Variants in TSPAN13 observed in about 807,000 individuals in gnomAD.
TSPAN13 encodes tetraspanin 13.
TSPAN13 carries 18 observed loss-of-function variants against 26.9 expected under a neutral mutation model. The ratio of observed to expected loss-of-function variants is 0.67; its 90% CI spans 0.46 to 0.99. The LOEUF (loss-of-function observed/expected upper bound fraction) is 0.99, where lower values mean the gene tolerates loss of function less well. Among genes scored for constraint, TSPAN13 ranks in the 50% least tolerant of loss-of-function variants. The pLI is 0.00. For synonymous variants in TSPAN13, 116 were observed against 98.4 expected (o/e 1.18, Z -1.06); for missense variants, 201 against 249.6 (o/e 0.81, Z 1.31).
At chr7:16,776,148 C>T in intron 1 of TSPAN13, 63 bp from the exon 2 acceptor site, 2 of 1,524,724 alleles carry the variant, frequency 1.3e-6, no homozygotes, top group Non-Finnish European at 9.0e-7. Flanking sequence ...AATTAACTGG[C>T]ATTTTCCCCA....
chr7:16,783,661 T>A lies in TSPAN13; in HGVS notation c.*170T>A. On this transcript the variant is annotated 3_prime_UTR_variant, in exon 6 of 6. Transcript: ENST00000262067. Reference sequence around the variant, plus strand: ...ATGTTTCTCTACATGTTTTTTTCTTTCCGTTGCTGAAAAATATTTGAAACT... The same window carrying A: ...ATGTTTCTCTACATGTTTTTTTCTTACCGTTGCTGAAAAATATTTGAAACT... 1.5e-6 allele frequency: 1 copy of A among 656,078 alleles called. No homozygotes were observed. The highest frequency in any genetic ancestry group is 2.5e-6 in the Non-Finnish European group (1 of 392,724). 40.6% of individuals were successfully genotyped at this position (656,078 alleles called of 1,614,324 possible).
At chr7:16,767,461 G>T (rs1784619237) in intron 1 of TSPAN13, among the ~76,000 whole-genome samples, 1 of 152,126 alleles carries the variant, frequency 6.6e-6, no homozygotes, top group African/African-American at 2.4e-5. Context: ...CCCTAGTCGT[G>T]ATGTTTGAAA....
chr7:16,770,265 G>T (rs1784659034), intron 1 of TSPAN13, among the ~76,000 whole-genome samples: 1 of 151,686 alleles, frequency 6.6e-6, no homozygotes, highest in African/African-American at 2.4e-5. Flanking sequence ...GAGTGCAGTG[G>T]CACAATCTCG....
intron 1 of TSPAN13, among the ~76,000 whole-genome samples, chr7:16,763,086 A>C (rs1784564784): frequency 6.6e-6 from 1 of 152,104 alleles, no homozygotes; most frequent in Non-Finnish European, 1.5e-5. Context: ...GGTAAAACTT[A>C]CATTGGTGTT....
rs541672648 is a variant in TSPAN13 at position 16,762,826 on chromosome 7, G to A, written c.63+8796G>A. On this transcript the variant is annotated intron_variant, in intron 1 of 5. Transcript: ENST00000262067. The stretch of plus-strand genomic sequence containing the variant: ...ATGAATTGTTCCAGGCCAGGCAGAA[G>A]ATGGTCTAAAATGTCTTTCCTTGTA... Among the ~76,000 whole-genome samples the A allele has an allele frequency of 3.9e-5, 6 of 152,242 alleles. No individual in the cohort carries two copies. In the East Asian group the frequency reaches 9.7e-4, roughly 25 times the overall value.
intron 5 of TSPAN13, 98 bp from the exon 6 acceptor site, chr7:16,783,319 G>A (rs962534296): frequency 2.1e-5 from 25 of 1,183,222 alleles, no homozygotes; most frequent in Admixed American, 1.2e-4. Context: ...GATGCAAAGC[G>A]ATTGAGAGGG....
chr7:16,762,521 C>G (rs1216115705), intron 1 of TSPAN13, among the ~76,000 whole-genome samples: 2 of 152,118 alleles, frequency 1.3e-5, no homozygotes, highest in African/African-American at 4.8e-5. Flanking sequence ...TTCTCGAGAT[C>G]AGAAACAAAG....
chr7:16,776,469 G>C, intron 2 of TSPAN13, 91 bp downstream of exon 2: 1 of 1,287,824 alleles, frequency 7.8e-7, no homozygotes, highest in Non-Finnish European at 1.1e-6. Context: ...TTTATTGCCA[G>C]AAAGCAACTC....
chr7:16,762,217 A>G (rs973385463), intron 1 of TSPAN13, among the ~76,000 whole-genome samples: 1 of 152,188 alleles, frequency 6.6e-6, no homozygotes. Context: ...TTCCCCTCCA[A>G]ATATTGTATA....
At chr7:16,765,304 T>C (rs1583788819) in intron 1 of TSPAN13, among the ~76,000 whole-genome samples, 1 of 152,120 alleles carries the variant, frequency 6.6e-6, no homozygotes, top group South Asian at 2.1e-4. Context: ...GGTCTCCCCA[T>C]GTTGCCCAGG....
In TSPAN13 at chr7:16,753,869, C is replaced by G. The variant is rs550310371; in HGVS notation, c.-99C>G. On this transcript the variant is annotated 5_prime_UTR_variant, in exon 1 of 6. Coordinates refer to ENST00000262067, the MANE Select transcript of TSPAN13 (RefSeq NM_014399.4). ...CCCACCCACGTCTGCGTTGCTGCCC[C>G]GCCTGGGCCAGGCCCCAAAGGCAAG... 48 of 1,323,918 alleles carry G rather than the reference C, an allele frequency of 3.6e-5. No homozygotes were observed. Among genetic ancestry groups the G allele is most frequent in the Non-Finnish European group, 4.9e-5 (46 of 940,444 alleles). 82.0% of individuals were successfully genotyped at this position (1,323,918 alleles called of 1,614,324 possible).
intron 1 of TSPAN13, among the ~76,000 whole-genome samples, chr7:16,761,690 A>ATTTTT (rs35451307): frequency 7.0e-3 from 656 of 93,332 alleles, no homozygotes; most frequent in East Asian, 9.9e-3. Context: ...CAGCTAATTA[A>ATTTTT]TTTTTTTTTT....
intron 1 of TSPAN13, among the ~76,000 whole-genome samples, chr7:16,762,790 C>T (rs1245601610): frequency 6.6e-6 from 1 of 152,128 alleles, no homozygotes; most frequent in Non-Finnish European, 1.5e-5. Context: ...ACATATAAAA[C>T]TCTAGGTACC....
At position 16,760,275 on chromosome 7, in the gene TSPAN13, T is replaced by C. The variant is rs186103170; in HGVS notation, c.63+6245T>C. ...GCATTGAGACTAGTTACAAGGCTAT[T>C]GCTATAATTTGCACATGAGATGATG... On this transcript the variant is annotated intron_variant, in intron 1 of 5. Coordinates refer to ENST00000262067, the MANE Select transcript of TSPAN13 (RefSeq NM_014399.4). 3.7e-3 allele frequency among the ~76,000 whole-genome samples: 560 copies of C among 152,256 alleles called. 3 individuals are homozygous for C. Among genetic ancestry groups the C allele is most frequent in the Non-Finnish European group, 6.7e-3 (456 of 68,006 alleles).
rs552118834 is a variant in TSPAN13, at chr7:16,754,982, C to A, written c.63+952C>A. On this transcript the variant is annotated intron_variant, in intron 1 of 5. Transcript: ENST00000262067. ...GACCAAAAAGGTTTTAGTAAGTTTA[C>A]ATAGCTGGTAGTTGACGAGTCAGGA... is the stretch of plus-strand genomic sequence containing the variant. Among the ~76,000 whole-genome samples, 69 of 152,326 alleles carry A rather than the reference C, an allele frequency of 4.5e-4. 1 individual carries two copies. In the South Asian group the frequency reaches 0.014, roughly 30 times the overall value.
chr7:16,778,935 A>G (rs1383463276), intron 4 of TSPAN13, 68 bp from the exon 5 acceptor site: 2 of 1,149,676 alleles, frequency 1.7e-6, no homozygotes, highest in Admixed American at 2.4e-5. Flanking sequence ...TTTTGTGTGT[A>G]TGCAGTTTTT....
At chr7:16,755,402 GA>G (rs1021515251) in intron 1 of TSPAN13, among the ~76,000 whole-genome samples, 3 of 152,136 alleles carry the variant, frequency 2.0e-5, no homozygotes, top group South Asian at 2.1e-4. Flanking sequence ...GTAGACTTGG[GA>G]AAAAAATTTT....
At chr7:16,781,036 ACTT>A (rs543291429) in intron 5 of TSPAN13, among the ~76,000 whole-genome samples, 86 of 152,304 alleles carry the variant, frequency 5.6e-4, no homozygotes, top group African/African-American at 1.9e-3. Context: ...TTAGCTGACA[ACTT>A]CTTCTCATAG....
chr7:16,754,339 C>G (rs534353251), intron 1 of TSPAN13, among the ~76,000 whole-genome samples: 87 of 152,370 alleles, frequency 5.7e-4, no homozygotes, highest in African/African-American at 2.1e-3. Context: ...AACCGGACCT[C>G]TCCGCTTTCC....
Sources: allele counts gnomAD v4.1 joint callset (sites outside exome capture counted in the v4.1 genomes callset), GRCh38; gene constraint gnomAD v4.1.1; transcripts MANE v1.5; gene names NCBI Gene and HGNC (gene_info 2026-07-23, HGNC 2026-07-21).